The following GRM8 variants were observed in gnomAD, a reference collection of about 807,000 sequenced individuals.
GRM8 encodes metabotropic glutamate receptor 8.
A neutral mutation model predicts 87.2 loss-of-function variants in GRM8; 47 were observed. The observed-to-expected ratio is 0.54, with a 90% CI of 0.43 to 0.69. The LOEUF is 0.69. Among genes scored for constraint, GRM8 ranks in the 30% least tolerant of loss-of-function variants. The pLI, the probability that GRM8 is intolerant of heterozygous loss-of-function variation, is 0.00. For missense variants in GRM8, 1,019 were observed against 1,139.2 expected, an observed-to-expected ratio of 0.89 and a Z score of 1.52; for synonymous variants, 396 against 404.5, an observed-to-expected ratio of 0.98 and a Z score of 0.25.
At chr7:126,482,472 A>G (rs1389869315) in intron 9 of GRM8, among the ~76,000 whole-genome samples, 1 of 152,038 alleles carries the variant, frequency 6.6e-6, no homozygotes, top group Non-Finnish European at 1.5e-5. Context: ...ATTCAGCCTC[A>G]AAAAGGAAAC....
intron 7 of GRM8, among the ~76,000 whole-genome samples, chr7:126,658,977 A>G (rs1804842071): frequency 6.6e-6 from 1 of 152,094 alleles, no homozygotes; most frequent in African/African-American, 2.4e-5. Context: ...CAGTACAGAT[A>G]TAAAGACAAA....
Position 127,211,367 on chromosome 7 carries a change from G to A in GRM8, c.510+31328C>T, listed in dbSNP as rs573664773. On this transcript the variant is annotated intron_variant, in intron 2 of 10. Transcript: ENST00000339582. ...TCCAGCATGGGAGAAAGATGAAGGCGGGAACACTCAGCCAGTCTAGTCATT... is the reference window on the plus strand; with the variant it reads ...TCCAGCATGGGAGAAAGATGAAGGCAGGAACACTCAGCCAGTCTAGTCATT... 4.6e-5 allele frequency among the ~76,000 whole-genome samples: 7 copies of A among 152,282 alleles called. No individual in the cohort carries two copies. In the South Asian group the frequency reaches 8.3e-4, roughly 18 times the overall value.
At chr7:127,104,361 A>G (rs992114562) in intron 3 of GRM8, among the ~76,000 whole-genome samples, 3 of 152,202 alleles carry the variant, frequency 2.0e-5, no homozygotes, top group Non-Finnish European at 2.9e-5. Context: ...AATTTTCATT[A>G]GAGACATCAG....
intron 2 of GRM8, among the ~76,000 whole-genome samples, chr7:127,181,958 CA>C (rs1438615096): frequency 6.6e-6 from 1 of 151,928 alleles, no homozygotes; most frequent in African/African-American, 2.4e-5. Context: ...ACCAAGAACC[CA>C]AAAGCAAATG....
At chr7:126,894,993 G>C (rs1801408112) in intron 6 of GRM8, among the ~76,000 whole-genome samples, 1 of 152,028 alleles carries the variant, frequency 6.6e-6, no homozygotes, top group African/African-American at 2.4e-5. Flanking sequence ...TTTTGTTTCT[G>C]AGATGGCAAA....
intron 9 of GRM8, among the ~76,000 whole-genome samples, chr7:126,525,109 G>A (rs1026113842): frequency 6.6e-6 from 1 of 152,148 alleles, no homozygotes; most frequent in Non-Finnish European, 1.5e-5. Context: ...GCATGACAAA[G>A]ATTACTGGTG....
intron 8 of GRM8, among the ~76,000 whole-genome samples, chr7:126,555,822 T>C (rs1339462743): frequency 6.6e-6 from 1 of 152,226 alleles, no homozygotes; most frequent in Non-Finnish European, 1.5e-5. Context: ...TCAGATTGAA[T>C]CCCTCTTTGA....
intron 3 of GRM8, among the ~76,000 whole-genome samples, chr7:127,041,990 G>C (rs925564698): frequency 6.6e-6 from 1 of 152,128 alleles, no homozygotes; most frequent in African/African-American, 2.4e-5. Flanking sequence ...GTTTCTTTCT[G>C]GTGAGAGGAG....
At chr7:126,787,363 C>G (rs370264723) in intron 6 of GRM8, among the ~76,000 whole-genome samples, 1 of 152,116 alleles carries the variant, frequency 6.6e-6, no homozygotes, top group African/African-American at 2.4e-5. Context: ...AATAATAATT[C>G]CAACTAAATC....
At chr7:127,118,533 C>T (rs112834620) in intron 2 of GRM8, among the ~76,000 whole-genome samples, 12 of 152,244 alleles carry the variant, frequency 7.9e-5, no homozygotes, top group Admixed American at 2.0e-4. Context: ...TGTGTGTGTG[C>T]GTACACATGT....
intron 3 of GRM8, among the ~76,000 whole-genome samples, chr7:127,104,311 C>T (rs1825614453): frequency 6.6e-6 from 1 of 151,880 alleles, no homozygotes; most frequent in South Asian, 2.1e-4. Flanking sequence ...CAGATGTCAT[C>T]AATGTTGTAG....
At chr7:126,766,501 G>A (rs906446036) in intron 7 of GRM8, among the ~76,000 whole-genome samples, 3 of 152,062 alleles carry the variant, frequency 2.0e-5, no homozygotes, top group African/African-American at 7.2e-5. Flanking sequence ...TCCATCTAAT[G>A]GGTCAATTTT....
intron 6 of GRM8, among the ~76,000 whole-genome samples, chr7:126,836,512 C>T (rs1469806039): frequency 1.3e-5 from 2 of 152,136 alleles, no homozygotes; most frequent in African/African-American, 4.8e-5. Flanking sequence ...TTTTCAGTCT[C>T]ATCACCTATT....
intron 3 of GRM8, among the ~76,000 whole-genome samples, chr7:126,988,535 A>T (rs1226063526): frequency 6.6e-6 from 1 of 152,200 alleles, no homozygotes; most frequent in Admixed American, 6.5e-5. Context: ...TAAAATTATT[A>T]ATTATGTGCC....
intron 2 of GRM8, among the ~76,000 whole-genome samples, chr7:127,130,928 T>G (rs1447530931): frequency 6.6e-6 from 1 of 152,194 alleles, no homozygotes; most frequent in Non-Finnish European, 1.5e-5. Context: ...CATGCAGAAC[T>G]GTGAGTCAAT....
chr7:126,477,240 G>T (rs1806025114), intron 9 of GRM8, among the ~76,000 whole-genome samples: 1 of 152,032 alleles, frequency 6.6e-6, no homozygotes, highest in Non-Finnish European at 1.5e-5. Flanking sequence ...GAGCTGGTGG[G>T]TGGGGGAAAT....
intron 9 of GRM8, chr7:126,512,229 G>T (rs1345357956): frequency 6.6e-6 from 1 of 152,122 alleles, no homozygotes; most frequent in Non-Finnish European, 1.5e-5. Context: ...TGATCAACTG[G>T]TATATTCAGC....
intron 7 of GRM8, among the ~76,000 whole-genome samples, chr7:126,661,333 AT>A (rs1429962432): frequency 2.0e-5 from 3 of 152,336 alleles, no homozygotes; most frequent in South Asian, 2.1e-4. Context: ...ACTTAAAAAA[AT>A]CTCTTTATTT....
chr7:126,593,637 T>A (rs547696595), intron 8 of GRM8, among the ~76,000 whole-genome samples: 1 of 151,972 alleles, frequency 6.6e-6, no homozygotes, highest in Non-Finnish European at 1.5e-5. Flanking sequence ...CCCAAAACTA[T>A]GAAACTGCTA....
Sources: allele counts gnomAD v4.1 joint callset (sites outside exome capture counted in the v4.1 genomes callset), GRCh38; gene constraint gnomAD v4.1.1; transcripts MANE v1.5; gene names NCBI Gene and HGNC (gene_info 2026-07-23, HGNC 2026-07-21).